The following STPG2 variants were observed in gnomAD, a reference collection of about 807,000 sequenced individuals.
STPG2 encodes sperm-tail PG-rich repeat-containing protein 2.
In STPG2, 56 loss-of-function variants were observed where a neutral mutation model predicts 54.2. The observed-to-expected ratio is 1.03, with a 90% confidence interval of 0.83 to 1.29. The LOEUF is 1.29. STPG2 is among the 50% of genes most tolerant of loss of function. The pLI, the probability that STPG2 is intolerant of heterozygous loss-of-function variation, is 0.00. For missense variants in STPG2, 596 were observed against 544.9 expected (o/e 1.09, Z -0.93); for synonymous variants, 200 against 181.8 (o/e 1.10, Z -0.81).
In STPG2 at chr4:98,022,727, T is replaced by G. The variant is rs1218288954; in HGVS notation, c.613-41409A>C. Among the ~76,000 whole-genome samples, 5 of 152,324 alleles carry G rather than the reference T, an allele frequency of 3.3e-5. No individual in the cohort carries two copies. In the East Asian group the frequency reaches 9.7e-4, roughly 29 times the overall value. ...AGACTTTGTCCGTTTCTTTTTATTC[T>G]TTTTTCTCTAAACTTCCCTTCTTGC... is the stretch of plus-strand genomic sequence containing the variant. On this transcript the variant is annotated intron_variant, in intron 5 of 10. Transcript: ENST00000295268.
At chr4:98,088,942 T>G (rs927781734) in intron 5 of STPG2, among the ~76,000 whole-genome samples, 2 of 152,180 alleles carry the variant, frequency 1.3e-5, no homozygotes, top group Non-Finnish European at 2.9e-5. Flanking sequence ...TGGATCCCAC[T>G]TTTATTAACT....
rs144418910 is a variant in STPG2, at chr4:97,944,622, T to C, written c.934-615A>G. Among the ~76,000 whole-genome samples the C allele has an allele frequency of 2.2e-3, 328 of 152,284 alleles. 6 individuals are homozygous for C. The East Asian group carries it at 0.033, about 15-fold the overall frequency. On this transcript the variant is annotated intron_variant, in intron 7 of 10. Transcript: ENST00000295268. ...TAGAATAAACAGCAGCAACATCCTT[T>C]GTATATGCAAAAGGGGTAAGAATCT...
intron 4 of STPG2, among the ~76,000 whole-genome samples, chr4:97,456,921 A>G (rs1485773914): frequency 1.3e-5 from 2 of 151,516 alleles, no homozygotes; most frequent in East Asian, 3.9e-4. Context: ...TTAAAAAAAA[A>G]AAAAAGATGG....
intron 9 of STPG2, among the ~76,000 whole-genome samples, chr4:97,824,204 G>A (rs1728180514): frequency 6.6e-6 from 1 of 152,046 alleles, no homozygotes; most frequent in Non-Finnish European, 1.5e-5. Context: ...TTTCAGTGTG[G>A]CTGCAGTGAA....
chr4:97,631,186 C>T (rs1721266079), intron 10 of STPG2, among the ~76,000 whole-genome samples: 1 of 151,916 alleles, frequency 6.6e-6, no homozygotes, highest in African/African-American at 2.4e-5. Flanking sequence ...AAAAGTATTA[C>T]AGAACCACTA....
chr4:97,556,587 A>G (rs951786637), downstream of STPG2, among the ~76,000 whole-genome samples: 3 of 152,142 alleles, frequency 2.0e-5, no homozygotes, highest in Non-Finnish European at 4.4e-5. Flanking sequence ...CAATCTGCAT[A>G]TTTTTATTCT....
intron 10 of STPG2, among the ~76,000 whole-genome samples, chr4:97,563,811 T>G (rs901203958): frequency 1.3e-5 from 2 of 152,152 alleles, no homozygotes; most frequent in Non-Finnish European, 2.9e-5. Flanking sequence ...AGACAGTTTG[T>G]TATAATTTCT....
In STPG2 at chr4:98,131,484, C is replaced by T. The variant is rs562273064; in HGVS notation, c.222+2863G>A. ...ACGAAATATCTGCAATTTAAATATA[C>T]TTACAAAATTTAACCTCATTGTCAT... On this transcript the variant is annotated intron_variant, in intron 2 of 10. Coordinates refer to ENST00000295268, the MANE Select transcript of STPG2 (RefSeq NM_174952.3). Among the ~76,000 whole-genome samples the T allele has an allele frequency of 2.0e-5, 3 of 152,188 alleles. No individual in the cohort carries two copies. In the East Asian group the frequency reaches 5.8e-4, roughly 29 times the overall value.
intron 10 of STPG2, among the ~76,000 whole-genome samples, chr4:97,566,282 C>T (rs569682798): frequency 8.0e-4 from 122 of 152,266 alleles, no homozygotes; most frequent in Non-Finnish European, 1.4e-3. Context: ...TTTTTAAGCC[C>T]GTTGGAAAAG....
intron 8 of STPG2, among the ~76,000 whole-genome samples, chr4:97,934,447 A>G (rs1732671310): frequency 6.6e-6 from 1 of 152,174 alleles, no homozygotes; most frequent in Admixed American, 6.5e-5. Flanking sequence ...CCAGTTTTTA[A>G]GGAGAATGCT....
chr4:98,117,411 A>C (rs999613774), intron 3 of STPG2, among the ~76,000 whole-genome samples: 1 of 151,852 alleles, frequency 6.6e-6, no homozygotes, highest in South Asian at 2.1e-4. Flanking sequence ...ATCTCTTTGC[A>C]TTAATCTTAC....
chr4:97,762,120 G>C (rs1725906673), intron 9 of STPG2, among the ~76,000 whole-genome samples: 1 of 152,140 alleles, frequency 6.6e-6, no homozygotes, highest in East Asian at 1.9e-4. Flanking sequence ...CTCTAAATTT[G>C]TATCAGTGAA....
chr4:97,493,076 C>T (rs1730535016), intron 4 of STPG2, among the ~76,000 whole-genome samples: 1 of 150,740 alleles, frequency 6.6e-6, no homozygotes, highest in Non-Finnish European at 1.5e-5. Flanking sequence ...GTAGTACTGA[C>T]TCATCCTATA....
At chr4:97,595,661 C>A (rs1235244107) in intron 10 of STPG2, among the ~76,000 whole-genome samples, 3 of 150,838 alleles carry the variant, frequency 2.0e-5, no homozygotes. Flanking sequence ...TAATATCCAG[C>A]CAAAGTAAGC....
intron 9 of STPG2, among the ~76,000 whole-genome samples, chr4:97,798,148 G>C (rs191529659): frequency 1.3e-5 from 2 of 151,934 alleles, no homozygotes; most frequent in Admixed American, 1.3e-4. Context: ...TGGATTCATC[G>C]ATTTTTTGAA....
At chr4:97,598,420 T>C (rs1384142478) in intron 10 of STPG2, among the ~76,000 whole-genome samples, 2 of 151,604 alleles carry the variant, frequency 1.3e-5, no homozygotes, top group Non-Finnish European at 1.5e-5. Flanking sequence ...AGAAACTAAA[T>C]AGCCAAAGCA....
chr4:97,562,214 G>C (rs1397400945), intron 10 of STPG2, among the ~76,000 whole-genome samples: 1 of 152,088 alleles, frequency 6.6e-6, no homozygotes, highest in African/African-American at 2.4e-5. Flanking sequence ...TTGTGAATGG[G>C]AGTTCACTCA....
intron 9 of STPG2, among the ~76,000 whole-genome samples, chr4:97,809,942 T>G (rs1560537226): frequency 6.6e-6 from 1 of 152,174 alleles, no homozygotes; most frequent in Non-Finnish European, 1.5e-5. Flanking sequence ...ATAAAAAAAC[T>G]AATACAATTG....
intron 8 of STPG2, among the ~76,000 whole-genome samples, chr4:97,896,820 T>A (rs1247054249): frequency 6.6e-6 from 1 of 151,862 alleles, no homozygotes; most frequent in Non-Finnish European, 1.5e-5. Context: ...AGTATTACAA[T>A]GAAAGAAAAA....
Sources: gnomAD v4.1 joint callset for allele counts (sites outside exome capture counted in the v4.1 genomes callset) on GRCh38, gnomAD v4.1.1 for gene constraint, MANE v1.5 for transcripts, NCBI Gene and HGNC (gene_info 2026-07-23, HGNC 2026-07-21) for gene names.